The following NRXN3 variants were observed in gnomAD, a reference collection of about 807,000 sequenced individuals.
The protein encoded by NRXN3 is neurexin III.
A neutral mutation model predicts 137.6 loss-of-function variants in NRXN3; 32 were observed. That is an observed-to-expected ratio of 0.23 (90% CI 0.18 to 0.31). NRXN3 has a LOEUF of 0.31. NRXN3 is among the 10% of genes least tolerant of loss of function. The probability of loss-of-function intolerance (pLI) is 1.00; values close to 1 mark genes in which losing one functional copy is unlikely to be tolerated. For synonymous variants in NRXN3, 798 were observed against 784.5 expected, an observed-to-expected ratio of 1.02 and a Z score of -0.29; for missense variants, 1,574 against 2,062.5, an observed-to-expected ratio of 0.76 and a Z score of 4.59.
intron 15 of NRXN3, among the ~76,000 whole-genome samples, chr14:79,028,982 G>A (rs187192700): frequency 8.5e-4 from 129 of 152,094 alleles, no homozygotes; most frequent in Middle Eastern, 6.8e-3. Context: ...CAGTCTGGGA[G>A]ATCTCTAGGG....
chr14:79,397,221 T>G (rs547654992), intron 15 of NRXN3, among the ~76,000 whole-genome samples: 2 of 152,330 alleles, frequency 1.3e-5, no homozygotes, highest in East Asian at 3.9e-4. Flanking sequence ...ATGAAGCTCC[T>G]TTCAAAACTC....
At chr14:78,480,235 T>G (rs1229278818) in intron 4 of NRXN3, among the ~76,000 whole-genome samples, 1 of 152,242 alleles carries the variant, frequency 6.6e-6, no homozygotes, top group Non-Finnish European at 1.5e-5. Flanking sequence ...GTTTATATAG[T>G]GGCTGCAATT....
intron 1 of NRXN3, among the ~76,000 whole-genome samples, chr14:78,180,171 G>A (rs1294069280): frequency 6.6e-6 from 1 of 152,120 alleles, no homozygotes; most frequent in Non-Finnish European, 1.5e-5. Flanking sequence ...AAACATGGGG[G>A]AGGGCGCTTT....
rs532647033 is a variant in NRXN3, at chr14:78,547,943, C to T, written c.758-97177C>T. Among the ~76,000 whole-genome samples, 18 of 152,118 alleles carry T rather than the reference C, an allele frequency of 1.2e-4. 1 individual carries two copies. The South Asian group carries it at 3.7e-3, about 32-fold the overall frequency. ...TTCAGCAGGCATTATTAATACAGTT[C>T]AGGTAAAATTGAAATAAAAGATGAT... On this transcript the variant is annotated intron_variant, in intron 4 of 20. Coordinates refer to ENST00000335750, the MANE Select transcript of NRXN3 (RefSeq NM_001330195.2).
chr14:79,123,756 A>T (rs2055895959), intron 15 of NRXN3, among the ~76,000 whole-genome samples: 1 of 152,192 alleles, frequency 6.6e-6, no homozygotes, highest in African/African-American at 2.4e-5. Context: ...AAAGCATTTC[A>T]GTGGAGATTA....
chr14:78,324,389 T>C (rs1597340421), intron 4 of NRXN3, among the ~76,000 whole-genome samples: 1 of 152,158 alleles, frequency 6.6e-6, no homozygotes, highest in East Asian at 1.9e-4. Flanking sequence ...GTTCTACCCA[T>C]GATCTGTTAA....
intron 10 of NRXN3, among the ~76,000 whole-genome samples, chr14:78,949,532 A>G (rs545354364): frequency 1.3e-5 from 2 of 152,142 alleles, no homozygotes; most frequent in African/African-American, 2.4e-5. Context: ...GCAATGTGCC[A>G]TGCTTAGTTG....
At chr14:78,465,216 A>G (rs1203372350) in intron 4 of NRXN3, among the ~76,000 whole-genome samples, 1 of 152,100 alleles carries the variant, frequency 6.6e-6, no homozygotes, top group Non-Finnish European at 1.5e-5. Context: ...TTTAGATGAA[A>G]AGGGTTACGG....
intron 15 of NRXN3, among the ~76,000 whole-genome samples, chr14:79,348,684 C>T (rs899662821): frequency 6.6e-6 from 1 of 152,090 alleles, no homozygotes; most frequent in African/African-American, 2.4e-5. Context: ...GCCTAATCTT[C>T]TTAATTTGTC....
intron 16 of NRXN3, among the ~76,000 whole-genome samples, chr14:79,500,919 C>T (rs1322114876): frequency 6.6e-6 from 1 of 152,160 alleles, no homozygotes; most frequent in African/African-American, 2.4e-5. Context: ...CTTTGATTAA[C>T]AACATGACTA....
intron 6 of NRXN3, among the ~76,000 whole-genome samples, chr14:78,675,969 T>C (rs1289552418): frequency 1.3e-5 from 2 of 152,194 alleles, no homozygotes; most frequent in African/African-American, 2.4e-5. Flanking sequence ...ATTGTAATTG[T>C]TTTGGGGTGC....
At chr14:79,189,276 C>G (rs4375584) in intron 15 of NRXN3, among the ~76,000 whole-genome samples, 40,027 of 151,256 alleles carry the variant, frequency 0.26, 6,160 homozygotes, top group Non-Finnish European at 0.36. Context: ...TCTCAGTAAA[C>G]TATCACAAGA....
chr14:78,810,089 ATG>A (rs1433643327), intron 9 of NRXN3, among the ~76,000 whole-genome samples: 5 of 151,822 alleles, frequency 3.3e-5, no homozygotes, highest in Non-Finnish European at 7.4e-5. Context: ...CTCTATACAT[ATG>A]TGTATATATA....
intron 15 of NRXN3, among the ~76,000 whole-genome samples, chr14:79,030,808 A>G (rs1413511692): frequency 6.6e-6 from 1 of 151,220 alleles, no homozygotes; most frequent in African/African-American, 2.4e-5. Flanking sequence ...ATTTCATTTT[A>G]TGGTTTAGCC....
chr14:79,264,027 C>T (rs2078045680), intron 15 of NRXN3, among the ~76,000 whole-genome samples: 1 of 152,162 alleles, frequency 6.6e-6, no homozygotes, highest in Non-Finnish European at 1.5e-5. Context: ...TCTGGTTAGG[C>T]CATCTTTACA....
At chr14:79,093,119 C>G (rs1387935996) in intron 15 of NRXN3, among the ~76,000 whole-genome samples, 1 of 152,120 alleles carries the variant, frequency 6.6e-6, no homozygotes, top group Non-Finnish European at 1.5e-5. Flanking sequence ...CATTCATTGT[C>G]AAAGGATACT....
rs768488725 is a variant in NRXN3 at position 78,645,340 on chromosome 14, T to A, written c.978T>A (p.Phe326Leu). The A allele has an allele frequency of 6.3e-7, 1 of 1,598,668 alleles. No individual in the cohort carries two copies. The highest frequency in any genetic ancestry group is 1.3e-5 in the African/African-American group (1 of 74,900). Residue 326 changes from phenylalanine to leucine, a missense_variant, in exon 5 of 21, where the codon TTT becomes TTA. Phe to Leu is a conservative substitution (Grantham distance 22). Coordinates refer to ENST00000335750, the MANE Select transcript of NRXN3 (RefSeq NM_001330195.2). ...SLVINLGSGA[F>L]EAIVEPVNGK... The stretch of plus-strand genomic sequence containing the variant: ...TCATTAACCTGGGGTCCGGGGCCTT[T>A]GAGGCCATTGTGGAGCCAGTGAATG...
At chr14:79,058,039 C>G (rs6574478) in intron 15 of NRXN3, among the ~76,000 whole-genome samples, 95,938 of 151,866 alleles carry the variant, frequency 0.63, 30,625 homozygotes, top group East Asian at 0.81. Context: ...AAATATGAAT[C>G]TTTGGATGTA....
At chr14:79,048,017 AG>A (rs1392596890) in intron 15 of NRXN3, among the ~76,000 whole-genome samples, 1 of 152,240 alleles carries the variant, frequency 6.6e-6, no homozygotes, top group East Asian at 1.9e-4. Flanking sequence ...AAAACAAGAC[AG>A]GTATCCATCA....
Sources: allele counts gnomAD v4.1 joint callset (sites outside exome capture counted in the v4.1 genomes callset), GRCh38; gene constraint gnomAD v4.1.1; transcripts MANE v1.5; gene names NCBI Gene and HGNC (gene_info 2026-07-23, HGNC 2026-07-21).